Variants in TARS3 observed in about 807,000 individuals in gnomAD.
The protein encoded by TARS3 is threonyl-tRNA synthetase 3.
In TARS3, 94 loss-of-function variants were observed where a neutral mutation model predicts 103.5. The ratio of observed to expected loss-of-function variants is 0.91; its 90% CI spans 0.77 to 1.08. TARS3 has a LOEUF of 1.08. Among genes scored for constraint, TARS3 ranks in the 50% least tolerant of loss-of-function variants. The pLI, the probability that TARS3 is intolerant of heterozygous loss-of-function variation, is 0.00. For missense variants in TARS3, 952 were observed against 995.2 expected, an observed-to-expected ratio of 0.96 and a Z score of 0.58; for synonymous variants, 416 against 355.4, an observed-to-expected ratio of 1.17 and a Z score of -1.92.
At position 101,702,153 on chromosome 15, in the gene TARS3, T is replaced by G. The variant is rs973924079; in HGVS notation, c.1221+86A>C. The G allele has an allele frequency of 2.0e-6, 3 of 1,526,040 alleles. No homozygotes were observed. The African/African-American group carries it at 4.2e-5, about 21-fold the overall frequency. The allele number at this position is 1,526,040 out of a possible 1,614,324, so 94.5% of individuals were successfully genotyped here. A position where few individuals can be genotyped will look rare whatever the true frequency, so the allele number is the denominator to read the frequency against. On this transcript the variant is annotated intron_variant, in intron 9 of 18. Transcript: ENST00000335968. ...AGGAGAGAAGAAGAAGAAATCTTAT[T>G]TTTAAAGCAACTTAGTTTTGTGAGA... is the stretch of plus-strand genomic sequence containing the variant.
At chr15:101,657,159 G>A (rs140851199) in intron 17 of TARS3, 123 bp from the exon 18 acceptor site, 1 of 610,304 alleles carries the variant, frequency 1.6e-6, no homozygotes, top group Non-Finnish European at 2.8e-6. Flanking sequence ...TACCAGAGCG[G>A]GTCTGCGTGA....
chr15:101,700,112 G>A (rs1274032080), intron 10 of TARS3, among the ~76,000 whole-genome samples: 1 of 152,158 alleles, frequency 6.6e-6, no homozygotes, highest in Non-Finnish European at 1.5e-5. Context: ...GAGAGAAATT[G>A]GAGCATGAAT....
At chr15:101,656,012 G>A (rs1897187580) in intron 18 of TARS3, 2 of 1,289,114 alleles carry the variant, frequency 1.6e-6, no homozygotes, top group East Asian at 5.5e-5. Flanking sequence ...ACAGAAGGAA[G>A]AAACCGGTCT....
intron 13 of TARS3, among the ~76,000 whole-genome samples, chr15:101,675,226 C>A (rs1303750314): frequency 6.6e-6 from 1 of 152,112 alleles, no homozygotes; most frequent in Non-Finnish European, 1.5e-5. Flanking sequence ...TACATCTAGA[C>A]CATGCAGCCC....
chr15:101,703,878 T>C lies in TARS3; in HGVS notation c.1055A>G (p.Lys352Arg), dbSNP rs1159528958. The C allele has an allele frequency of 6.2e-7, 1 of 1,612,962 alleles. No individual in the cohort carries two copies. Among genetic ancestry groups the C allele is most frequent in the Non-Finnish European group, 8.5e-7 (1 of 1,179,410 alleles). Residue 352 changes from lysine to arginine, a missense_variant, in exon 8 of 19, where the codon AAA (lysine) becomes AGA (arginine). Coordinates refer to ENST00000335968, the MANE Select transcript of TARS3 (RefSeq NM_152334.3). ...GPHVRHTGKIKTIKIFKNSST... is the reference protein window; with the variant it reads ...GPHVRHTGKIRTIKIFKNSST... ...CCTTACCTTAAAAATTTTGATGGTT[T>C]TAATTTTTCCAGTGTGTCTTACATG...
At chr15:101,702,956 G>A (rs1899356166) in intron 8 of TARS3, among the ~76,000 whole-genome samples, 1 of 152,170 alleles carries the variant, frequency 6.6e-6, no homozygotes, top group Non-Finnish European at 1.5e-5. Context: ...AAGGAGGGAA[G>A]GCTAAGCAGC....
At chr15:101,721,978 A>G (rs931541253) in intron 2 of TARS3, among the ~76,000 whole-genome samples, 3 of 152,236 alleles carry the variant, frequency 2.0e-5, no homozygotes, top group Admixed American at 6.5e-5. Context: ...AAGCTAATCT[A>G]AGTGTTCTGA....
chr15:101,657,463 CAAT>C (rs1005950943), intron 17 of TARS3, among the ~76,000 whole-genome samples: 3 of 152,354 alleles, frequency 2.0e-5, no homozygotes, highest in Admixed American at 2.0e-4. Flanking sequence ...GTGAGATCAT[CAAT>C]GTTTGTTGTT....
rs79647358 is a variant in TARS3, at chr15:101,719,521, T to C, written c.566+1605A>G. Among the ~76,000 whole-genome samples the C allele has an allele frequency of 2.1e-3, 321 of 152,354 alleles. 2 individuals are homozygous for C. Among genetic ancestry groups the C allele is most frequent in the African/African-American group, 7.1e-3 (296 of 41,586 alleles). On this transcript the variant is annotated intron_variant, in intron 3 of 18. Transcript: ENST00000335968. ...CCATTCCTCTCTTCCATGGTATGAATGCTTTAGCTGGACATGTGGCTGGGC... is the reference window on the plus strand; with the variant it reads ...CCATTCCTCTCTTCCATGGTATGAACGCTTTAGCTGGACATGTGGCTGGGC...
intron 15 of TARS3, among the ~76,000 whole-genome samples, chr15:101,668,436 A>C (rs1400398007): frequency 6.6e-6 from 1 of 152,188 alleles, no homozygotes; most frequent in Non-Finnish European, 1.5e-5. Flanking sequence ...GGTATAGTTC[A>C]TGGTGCCCCC....
At chr15:101,696,505 G>T (rs528094938) in intron 10 of TARS3, among the ~76,000 whole-genome samples, 1 of 152,138 alleles carries the variant, frequency 6.6e-6, no homozygotes, top group African/African-American at 2.4e-5. Flanking sequence ...AGACAGTAAT[G>T]ATGAAATGGC....
Position 101,667,531 on chromosome 15 carries a change from G to A in TARS3, c.1967+3955C>T, listed in dbSNP as rs796608059. On this transcript the variant is annotated intron_variant, in intron 15 of 18. Transcript: ENST00000335968. Reference sequence around the variant, plus strand: ...CTGGATAACTTGCTGAAGCTTGTACGTCAGCACTTGTTGCTTTACCTTGCA... The same window carrying A: ...CTGGATAACTTGCTGAAGCTTGTACATCAGCACTTGTTGCTTTACCTTGCA... 4.6e-5 allele frequency among the ~76,000 whole-genome samples: 7 copies of A among 151,668 alleles called. No individual in the cohort carries two copies. The East Asian group carries it at 5.8e-4, about 13-fold the overall frequency.
At chr15:101,691,175 A>G (rs528910816) in intron 10 of TARS3, among the ~76,000 whole-genome samples, 135 of 151,928 alleles carry the variant, frequency 8.9e-4, no homozygotes, top group African/African-American at 3.1e-3. Context: ...TCCTGACCTC[A>G]TGATCCACCC....
intron 2 of TARS3, among the ~76,000 whole-genome samples, chr15:101,722,588 T>A (rs1900532886): frequency 7.6e-6 from 1 of 131,996 alleles, no homozygotes; most frequent in African/African-American, 2.9e-5. Flanking sequence ...GGGCGGATCA[T>A]GAGGTCAGGA....
chr15:101,691,934 T>C (rs1898744357), intron 10 of TARS3, among the ~76,000 whole-genome samples: 1 of 152,132 alleles, frequency 6.6e-6, no homozygotes, highest in Admixed American at 6.5e-5. Flanking sequence ...CTCAGGCCTC[T>C]GCACTCAGGC....
At chr15:101,675,041 T>C (rs56074631) in intron 13 of TARS3, among the ~76,000 whole-genome samples, 10 of 152,078 alleles carry the variant, frequency 6.6e-5, no homozygotes, top group Admixed American at 1.3e-4. Flanking sequence ...TTAATAAAAG[T>C]GAACACAGGA....
intron 3 of TARS3, among the ~76,000 whole-genome samples, chr15:101,717,780 C>T (rs543428943): frequency 6.6e-6 from 1 of 152,348 alleles, no homozygotes; most frequent in East Asian, 1.9e-4. Context: ...CCACCCACGT[C>T]TAGACTGCTA....
In TARS3 at chr15:101,711,921, G is replaced by T. The variant is rs904885991; in HGVS notation, c.771C>A (p.Pro257=). 1 of 1,613,784 alleles carries T rather than the reference G, an allele frequency of 6.2e-7. No individual in the cohort carries two copies. Among genetic ancestry groups the T allele is most frequent in the African/African-American group, 1.3e-5 (1 of 74,894 alleles). The change falls in exon 5 of 19, where the codon CCC becomes CCA. Residue 257 remains proline (P), a synonymous_variant. Coordinates refer to ENST00000335968, the MANE Select transcript of TARS3 (RefSeq NM_152334.3). ...YYGGHLCYGP[P]IENGFYYDMF... is the part of the protein sequence containing the mutation. ...TGTCATAATAAAATCCATTTTCAATGGGCGGACCGTAGCACAGGTGGCCTC... is the reference window on the plus strand; with the variant it reads ...TGTCATAATAAAATCCATTTTCAATTGGCGGACCGTAGCACAGGTGGCCTC...
At chr15:101,680,078 T>C (rs1898198287) in intron 12 of TARS3, among the ~76,000 whole-genome samples, 1 of 152,316 alleles carries the variant, frequency 6.6e-6, no homozygotes, top group Non-Finnish European at 1.5e-5. Flanking sequence ...TAGTCTTCAC[T>C]GACACTGCTG....
Sources: allele counts gnomAD v4.1 joint callset (sites outside exome capture counted in the v4.1 genomes callset), GRCh38; gene constraint gnomAD v4.1.1; transcripts MANE v1.5; gene names NCBI Gene and HGNC (gene_info 2026-07-23, HGNC 2026-07-21).